Variants in DENND1A observed in about 807,000 individuals in gnomAD.
The protein encoded by DENND1A is DENN domain containing 1A.
In DENND1A, 51 loss-of-function variants were observed where a neutral mutation model predicts 113.7. The observed-to-expected ratio is 0.45, with a 90% CI of 0.36 to 0.57. The LOEUF (loss-of-function observed/expected upper bound fraction) is 0.57. Among genes scored for constraint, DENND1A ranks in the 20% least tolerant of loss-of-function variants. DENND1A has a pLI of 0.00. For synonymous variants in DENND1A, 565 were observed against 570.8 expected (o/e 0.99, Z 0.14); for missense variants, 1,258 against 1,395.9 (o/e 0.90, Z 1.57).
chr9:123,600,508 T>C (rs1219081578), intron 11 of DENND1A, among the ~76,000 whole-genome samples: 1 of 152,166 alleles, frequency 6.6e-6, no homozygotes, highest in Non-Finnish European at 1.5e-5. Flanking sequence ...GGCATGCACA[T>C]TAGTAGACCC....
At chr9:123,479,924 C>T (rs1425557532) in intron 13 of DENND1A, among the ~76,000 whole-genome samples, 1 of 152,176 alleles carries the variant, frequency 6.6e-6, no homozygotes, top group Non-Finnish European at 1.5e-5. Context: ...AAAGAGCTTT[C>T]ATTTAGTCAT....
intron 5 of DENND1A, among the ~76,000 whole-genome samples, chr9:123,709,749 G>A (rs1291945938): frequency 6.6e-6 from 1 of 152,100 alleles, no homozygotes; most frequent in Non-Finnish European, 1.5e-5. Flanking sequence ...CTAAAAACTA[G>A]CCACACTCAT....
At chr9:123,901,604 T>C (rs1199277092) in intron 1 of DENND1A, among the ~76,000 whole-genome samples, 1 of 152,206 alleles carries the variant, frequency 6.6e-6, no homozygotes, top group Non-Finnish European at 1.5e-5. Context: ...ATCCTAGTTC[T>C]GCCACGTCTT....
At chr9:123,839,679 T>A (rs1305683634) in intron 2 of DENND1A, among the ~76,000 whole-genome samples, 1 of 152,244 alleles carries the variant, frequency 6.6e-6, no homozygotes, top group Non-Finnish European at 1.5e-5. Context: ...TTCATATTGT[T>A]CTTTTAAATT....
chr9:123,414,167 G>C (rs761603504), intron 19 of DENND1A: 1 of 1,013,276 alleles, frequency 9.9e-7, no homozygotes, highest in East Asian at 8.7e-5. Flanking sequence ...GTTACTCCAG[G>C]CCCACGATTT....
intron 11 of DENND1A, among the ~76,000 whole-genome samples, chr9:123,596,604 T>C (rs1168198818): frequency 6.6e-6 from 1 of 152,200 alleles, no homozygotes; most frequent in Non-Finnish European, 1.5e-5. Context: ...TTCTCCTCGC[T>C]GTGCAGCCTC....
At chr9:123,546,355 T>C (rs1168452463) in intron 13 of DENND1A, among the ~76,000 whole-genome samples, 1 of 151,882 alleles carries the variant, frequency 6.6e-6, no homozygotes, top group African/African-American at 2.4e-5. Flanking sequence ...AAGACCATCC[T>C]GGCTAACACA....
chr9:123,659,797 C>A (rs758860375), intron 8 of DENND1A, among the ~76,000 whole-genome samples: 1 of 152,204 alleles, frequency 6.6e-6, no homozygotes, highest in South Asian at 2.1e-4. Context: ...AACAACCCCA[C>A]AGTTACTGCT....
At position 123,557,671 on chromosome 9, in the gene DENND1A, T is replaced by G. The variant is rs375751600; in HGVS notation, c.892A>C (p.Lys298Gln). 8.4e-5 allele frequency: 136 copies of G among 1,613,854 alleles called. No individual in the cohort carries two copies. Among genetic ancestry groups the G allele is most frequent in the Non-Finnish European group, 1.1e-4 (128 of 1,179,930 alleles). Residue 298 changes from lysine to glutamine, a missense_variant, in exon 13 of 24, where the codon AAA (lysine) becomes CAA (glutamine). This residue lies in a region of DENND1A where 1,159 missense variants were observed against 1,231.7 expected (regional missense o/e 0.94). Coordinates refer to ENST00000394215, the MANE Select transcript of DENND1A (RefSeq NM_001352964.2). ...DVISSLKNRL[K>Q]KVSTTTGDGV... Reference sequence around the variant, plus strand: ...TCCCCAGTGGTTGTGGAGACCTTTTTCAGCCTGTTCTTCAGGGAAGAGATC... The same window carrying G: ...TCCCCAGTGGTTGTGGAGACCTTTTGCAGCCTGTTCTTCAGGGAAGAGATC...
At position 123,772,899 on chromosome 9, in the gene DENND1A, C is replaced by T. The variant is rs147213871; in HGVS notation, c.133-3336G>A. Among the ~76,000 whole-genome samples, 619 of 152,236 alleles carry T rather than the reference C, an allele frequency of 4.1e-3. 3 individuals are homozygous for T. Among genetic ancestry groups the T allele is most frequent in the African/African-American group, 0.014 (565 of 41,538 alleles). Reference sequence around the variant, plus strand: ...CACTGCTGACATTATAAACCCCAGACGGGTTTTCTAAAATCCCTCCCAATC... The same window carrying T: ...CACTGCTGACATTATAAACCCCAGATGGGTTTTCTAAAATCCCTCCCAATC... On this transcript the variant is annotated intron_variant, in intron 3 of 23. Coordinates refer to ENST00000394215, the MANE Select transcript of DENND1A (RefSeq NM_001352964.2).
intron 5 of DENND1A, among the ~76,000 whole-genome samples, chr9:123,703,262 G>A (rs2065986742): frequency 6.6e-6 from 1 of 152,158 alleles, no homozygotes; most frequent in African/African-American, 2.4e-5. Flanking sequence ...GTGAGCCACT[G>A]CACCCAGCCT....
At chr9:123,816,828 T>C (rs1837573313) in intron 2 of DENND1A, among the ~76,000 whole-genome samples, 1 of 152,278 alleles carries the variant, frequency 6.6e-6, no homozygotes, top group African/African-American at 2.4e-5. Context: ...AGGAACATAG[T>C]AGATACATAA....
At chr9:123,508,027 T>C (rs1320518496) in intron 13 of DENND1A, among the ~76,000 whole-genome samples, 2 of 152,214 alleles carry the variant, frequency 1.3e-5, no homozygotes, top group East Asian at 3.9e-4. Flanking sequence ...TTCAGTATTC[T>C]TTTTCAAGCA....
intron 3 of DENND1A, among the ~76,000 whole-genome samples, chr9:123,776,923 T>C (rs1044449119): frequency 2.0e-5 from 3 of 152,238 alleles, no homozygotes; most frequent in Admixed American, 2.0e-4. Context: ...ATAGGATTCA[T>C]GTTAGGCTGT....
chr9:123,471,687 A>G (rs1162038707), intron 13 of DENND1A, among the ~76,000 whole-genome samples: 6 of 152,210 alleles, frequency 3.9e-5, no homozygotes, highest in African/African-American at 1.2e-4. Context: ...CTCATCTTAG[A>G]GAGGAAGGAG....
intron 5 of DENND1A, among the ~76,000 whole-genome samples, chr9:123,757,311 T>C (rs1341486764): frequency 6.6e-6 from 1 of 152,214 alleles, no homozygotes; most frequent in African/African-American, 2.4e-5. Context: ...AGTCTGTGTC[T>C]GCAAGATGTC....
At chr9:123,436,534 G>T in intron 19 of DENND1A, among the ~76,000 whole-genome samples, 1 of 152,156 alleles carries the variant, frequency 6.6e-6, no homozygotes, top group East Asian at 1.9e-4. Context: ...TTGAGAAGGG[G>T]AAAACAGTAA....
chr9:123,390,285 C>T (rs1220833048), intron 21 of DENND1A, among the ~76,000 whole-genome samples: 1 of 152,208 alleles, frequency 6.6e-6, no homozygotes, highest in Non-Finnish European at 1.5e-5. Flanking sequence ...GGGGGAACCC[C>T]CACTTTACCA....
At chr9:123,869,127 A>C (rs1042834932) in intron 2 of DENND1A, among the ~76,000 whole-genome samples, 1 of 152,226 alleles carries the variant, frequency 6.6e-6, no homozygotes, top group Non-Finnish European at 1.5e-5. Flanking sequence ...TAGCTTTCAT[A>C]AATTTCTTTA....
Sources: allele counts gnomAD v4.1 joint callset (sites outside exome capture counted in the v4.1 genomes callset), GRCh38; gene constraint gnomAD v4.1.1; regional missense constraint gnomAD v4.1.1; transcripts MANE v1.5; gene names NCBI Gene and HGNC (gene_info 2026-07-23, HGNC 2026-07-21).